RAPGEF3: variants seen among roughly 807,000 people sequenced by gnomAD.
RAPGEF3 encodes 9330170P05Rik.
RAPGEF3 carries 103 observed loss-of-function variants against 129.8 expected under a neutral mutation model. The ratio of observed to expected loss-of-function variants is 0.79; its 90% CI spans 0.68 to 0.93. The LOEUF is 0.93. RAPGEF3 is among the 40% of genes least tolerant of loss of function. RAPGEF3 has a pLI of 0.00. For synonymous variants in RAPGEF3, 436 were observed against 482.6 expected, an observed-to-expected ratio of 0.90 and a Z score of 1.26; for missense variants, 1,117 against 1,207.4, an observed-to-expected ratio of 0.93 and a Z score of 1.11.
At position 47,740,750 on chromosome 12, in the gene RAPGEF3, A is replaced by G. The variant is rs1941105986; in HGVS notation, c.2123T>C (p.Met708Thr). 2 of 1,614,042 alleles carry G rather than the reference A, an allele frequency of 1.2e-6. No individual in the cohort carries two copies. Among genetic ancestry groups the G allele is most frequent in the Non-Finnish European group, 1.7e-6 (2 of 1,179,984 alleles). ...GTACTGCAGCTCATTGAAGCGGCGC[A>G]TGAAGCGCTCCAGGTTGGCGGTGGT... is the stretch of plus-strand genomic sequence containing the variant. The part of the protein sequence containing the change: ...DVTTANLERF[M>T]RRFNELQYWV... The change falls in exon 21 of 28, where the codon ATG (methionine) becomes ACG (threonine). Residue 708 changes from methionine to threonine, a missense_variant. Coordinates refer to ENST00000449771, the MANE Select transcript of RAPGEF3 (RefSeq NM_001098531.4).
chr12:47,749,102 G>T lies in RAPGEF3; in HGVS notation c.1042-171C>A. ...CTCCTCAGCCTTCCCTACCTTCCATGCATCCTGCCTCCCCCACAGCCTAGT... is the reference window on the plus strand; with the variant it reads ...CTCCTCAGCCTTCCCTACCTTCCATTCATCCTGCCTCCCCCACAGCCTAGT... On this transcript the variant is annotated intron_variant, in intron 10 of 27. Transcript: ENST00000449771. The surrounding 1 kb of genome is among the most constrained non-coding windows in gnomAD (Gnocchi z 4.5). The T allele has an allele frequency of 1.5e-6, 1 of 653,620 alleles. No individual in the cohort carries two copies. Among genetic ancestry groups the T allele is most frequent in the Non-Finnish European group, 2.7e-6 (1 of 376,410 alleles). The allele number at this position is 653,620 out of a possible 1,614,324, so 40.5% of individuals were successfully genotyped here. A position where few individuals can be genotyped will look rare whatever the true frequency, so the allele number is the denominator to read the frequency against.
At chr12:47,739,728 A>G in intron 23 of RAPGEF3, 1 of 364,642 alleles carries the variant, frequency 2.7e-6, no homozygotes. Context: ...CTACTGGTCT[A>G]GCCCGCAAGC....
At chr12:47,741,863 TCACTTTCTTCC>T (rs1449596855) in intron 18 of RAPGEF3, 2 of 516,276 alleles carry the variant, frequency 3.9e-6, no homozygotes, top group African/African-American at 3.8e-5. Flanking sequence ...TCCCTCAGCC[TCACTTTCTTCC>T]CTGGTAAAAT....
At position 47,736,987 on chromosome 12, in the gene RAPGEF3, C is replaced by A. The variant is rs934192836; in HGVS notation, c.*580G>T. 1.3e-5 allele frequency: 2 copies of A among 152,826 alleles called. No homozygotes were observed. Among genetic ancestry groups the A allele is most frequent in the African/African-American group, 2.4e-5 (1 of 41,484 alleles). 9.5% of individuals were successfully genotyped at this position (152,826 alleles called of 1,614,324 possible). On this transcript the variant is annotated 3_prime_UTR_variant, in exon 28 of 28. Transcript: ENST00000449771. ...GCGGGGCCTCAGCCTCCCTGCCACG[C>A]CCACTCTGGGCTGGCCTGGAACATA...
Position 47,758,785 on chromosome 12 carries a change from C to A in RAPGEF3, c.-229G>T, listed in dbSNP as rs991985718. 4.9e-6 allele frequency: 6 copies of A among 1,227,978 alleles called. No homozygotes were observed. In the Admixed American group the frequency reaches 2.5e-4, roughly 51 times the overall value. The allele number at this position is 1,227,978 out of a possible 1,614,324, so 76.1% of individuals were successfully genotyped here. ...GAGGGGTGGGGGCGTGGTGGGGGGA[C>A]GCCACCCAGCCACCGGCGACAGGGA... On this transcript the variant is annotated 5_prime_UTR_variant, in exon 1 of 28. Transcript: ENST00000449771.
intron 11 of RAPGEF3, 50 bp from the exon 12 acceptor site, chr12:47,748,592 C>T (rs776848873): frequency 1.4e-6 from 2 of 1,446,092 alleles, no homozygotes; most frequent in Non-Finnish European, 9.7e-7. Flanking sequence ...TCCCCACTCC[C>T]ACACCTGGGC....
Position 47,750,401 on chromosome 12 carries a change from C to T in RAPGEF3, c.696G>A (p.Glu232=). ...RKPPGQRTDE[E]LDLIFEELLH... is the part of the protein sequence containing the mutation. ...GCAGCTCCTCAAAGATGAGGTCCAG[C>T]TCTTCATCCGTGCGCTGACCTGGGC... The change falls in exon 7 of 28, where the codon GAG becomes GAA. Residue 232 remains glutamate, a synonymous_variant. Coordinates refer to ENST00000449771, the MANE Select transcript of RAPGEF3 (RefSeq NM_001098531.4). 1 of 1,613,966 alleles carries T rather than the reference C, an allele frequency of 6.2e-7. No individual in the cohort carries two copies. The highest frequency in any genetic ancestry group is 8.5e-7 in the Non-Finnish European group (1 of 1,179,914).
Position 47,748,882 on chromosome 12 carries a change from A to T in RAPGEF3, c.1091T>A (p.Leu364Gln). The change falls in exon 11 of 28, where the codon CTG becomes CAG. Residue 364 changes from leucine (L) to glutamine (Q), a missense_variant. Coordinates refer to ENST00000449771, the MANE Select transcript of RAPGEF3 (RefSeq NM_001098531.4). Reference sequence around the variant, plus strand: ...GCCCTGAGAGGCTCTCTCCAGCACCAGCACCACTTTGCCATGTTCTTCCAG... The same window carrying T: ...GCCCTGAGAGGCTCTCTCCAGCACCTGCACCACTTTGCCATGTTCTTCCAG... ...MRLEEHGKVVLVLERASQGAG... is the reference protein window; with the variant it reads ...MRLEEHGKVVQVLERASQGAG... 1 of 1,614,092 alleles carries T rather than the reference A, an allele frequency of 6.2e-7. No homozygotes were observed. The highest frequency in any genetic ancestry group is 8.5e-7 in the Non-Finnish European group (1 of 1,179,974).
chr12:47,756,129 C>T (rs562939511), intron 2 of RAPGEF3: 4 of 152,326 alleles, frequency 2.6e-5, no homozygotes, highest in East Asian at 1.9e-4. Flanking sequence ...CTCCAGCAAC[C>T]TTTACCCCCA....
At chr12:47,740,108 G>A in intron 23 of RAPGEF3, 33 bp downstream of exon 23, 1 of 1,604,870 alleles carries the variant, frequency 6.2e-7, no homozygotes, top group Non-Finnish European at 8.5e-7. Flanking sequence ...GCTGATCCTA[G>A]CAGAGCCAGG....
chr12:47,748,554 G>A lies in RAPGEF3; in HGVS notation c.1155-12C>T. The A allele has an allele frequency of 6.2e-7, 1 of 1,609,956 alleles. No individual in the cohort carries two copies. The highest frequency in any genetic ancestry group is 1.7e-5 in the Admixed American group (1 of 59,770). On this transcript the variant is annotated splice_polypyrimidine_tract_variant and intron_variant, in intron 11 of 27. Transcript: ENST00000449771. The stretch of plus-strand genomic sequence containing the variant: ...ACATCACTGTATACCTAGCAGAAAT[G>A]GCCAATCTTTGGCACTGGTGCCACT...
At position 47,743,986 on chromosome 12, in the gene RAPGEF3, C is replaced by A; in HGVS notation, c.1678+1G>T. On this transcript the variant is annotated splice_donor_variant, in intron 17 of 27. Coordinates refer to ENST00000449771, the MANE Select transcript of RAPGEF3 (RefSeq NM_001098531.4). LOFTEE classifies it high-confidence loss of function. The stretch of plus-strand genomic sequence containing the variant: ...GTGCCCAGCCGGCACAGACCACCAA[C>A]CTTTATCCCCAACTTGGATGGCACA... The A allele has an allele frequency of 6.2e-7, 1 of 1,601,328 alleles. No individual in the cohort carries two copies. The highest frequency in any genetic ancestry group is 8.6e-7 in the Non-Finnish European group (1 of 1,168,664).
At chr12:47,740,103 T>C (rs1402927875) in intron 23 of RAPGEF3, 38 bp downstream of exon 23, 3 of 1,600,360 alleles carry the variant, frequency 1.9e-6, no homozygotes, top group Admixed American at 1.7e-5. Flanking sequence ...GCCCAGCTGA[T>C]CCTAGCAGAG....
At chr12:47,741,692 C>G in intron 18 of RAPGEF3, 90 bp from the exon 19 acceptor site, 2 of 1,113,042 alleles carry the variant, frequency 1.8e-6, no homozygotes, top group South Asian at 2.5e-5. Context: ...GTTTGGGAGG[C>G]TGAGAGGTTG....
At position 47,738,053 on chromosome 12, in the gene RAPGEF3, G is replaced by C. The variant is rs200257479; in HGVS notation, c.2622C>G (p.His874Gln). 14 of 1,612,734 alleles carry C rather than the reference G, an allele frequency of 8.7e-6. No individual in the cohort carries two copies. The African/African-American group carries it at 1.6e-4, about 19-fold the overall frequency. The change falls in exon 27 of 28, where the codon CAC becomes CAG. Residue 874 changes from histidine (H) to glutamine (Q), a missense_variant. His to Gln is a conservative substitution (Grantham distance 24, BLOSUM62 0). Transcript: ENST00000449771. ...AAATCCTCGCCACCTGGCTGTCCTC[G>C]TGGAGGTGGGAAACTCGGCTTCTGA... Reference protein sequence around the residue: ...SPLRSRVSHLHEDSQVARIST... With the variant: ...SPLRSRVSHLQEDSQVARIST...
rs772114696 is a variant in RAPGEF3 at position 47,740,420 on chromosome 12, C to T, written c.2232-25G>A. The T allele has an allele frequency of 3.1e-6, 5 of 1,610,626 alleles. No individual in the cohort carries two copies. In the African/African-American group the frequency reaches 5.3e-5, roughly 17 times the overall value. ...GCTGTGAGCAGAAGACCCAGAGACC[C>T]TCAGGGTAAGGGAAGCAGCCACCCC... On this transcript the variant is annotated intron_variant, in intron 21 of 27. Coordinates refer to ENST00000449771, the MANE Select transcript of RAPGEF3 (RefSeq NM_001098531.4).
Position 47,743,590 on chromosome 12 carries a change from A to G in RAPGEF3, c.1765T>C (p.Leu589=), listed in dbSNP as rs149913457. The G allele has an allele frequency of 6.2e-4, 996 of 1,614,146 alleles. 3 individuals carry two copies. Among genetic ancestry groups the G allele is most frequent in the Middle Eastern group, 9.9e-4 (6 of 6,056 alleles). The change falls in exon 18 of 28, where the codon TTG becomes CTG. Residue 589 remains leucine (L), a synonymous_variant. Transcript: ENST00000449771. The part of the protein sequence containing the change: ...TASVREVMAA[L]AQEDGWTKGQ... The stretch of plus-strand genomic sequence containing the variant: ...TTGGTCCAGCCATCCTCCTGGGCCA[A>G]CGCTGCCATCACCTCTCTCACGGAG...
At chr12:47,739,681 G>A (rs1941023978) in intron 23 of RAPGEF3, 2 of 363,536 alleles carry the variant, frequency 5.5e-6, no homozygotes, top group East Asian at 6.7e-5. Context: ...GTTCCTGGAG[G>A]TGGGAGGTTC....
chr12:47,739,058 A>C, intron 24 of RAPGEF3, 85 bp downstream of exon 24: 9 of 1,167,164 alleles, frequency 7.7e-6, no homozygotes, highest in South Asian at 1.4e-5. Flanking sequence ...TAGGCATGGG[A>C]TGGGGGATGG....
Sources: gnomAD v4.1 joint callset for allele counts on GRCh38, gnomAD v4.1.1 for gene constraint, Gnocchi (gnomAD v3.1) non-coding constraint, MANE v1.5 for transcripts, NCBI Gene and HGNC (gene_info 2026-07-23, HGNC 2026-07-21) for gene names.